The following HTR2C variants were observed in gnomAD, a reference collection of about 807,000 sequenced individuals.
The protein encoded by HTR2C is 5-hydroxytryptamine receptor 2C, also known as 5-hydroxytryptamine (serotonin) receptor 2C, G protein-coupled.
A neutral mutation model predicts 21.0 loss-of-function variants in HTR2C; 5 were observed. That is an observed-to-expected ratio of 0.24 (90% CI 0.12 to 0.50). The LOEUF is 0.50. Ranked by LOEUF, HTR2C falls within the 20% of genes least tolerant of loss-of-function variation. HTR2C has a pLI of 0.98. For synonymous variants in HTR2C, 150 were observed against 145.3 expected (o/e 1.03, Z -0.23); for missense variants, 271 against 371.2 (o/e 0.73, Z 2.22).
At chrX:114,765,043 T>G (rs2069933670) in intron 4 of HTR2C, among the ~76,000 whole-genome samples, 1 of 107,959 alleles carries the variant, frequency 9.3e-6, no homozygotes, top group Non-Finnish European at 1.9e-5. Context: ...TTCTTTCTTT[T>G]TTTTTCTTTC....
intron 2 of HTR2C, among the ~76,000 whole-genome samples, chrX:114,725,459 G>A (rs1933418951): frequency 1.8e-5 from 2 of 111,074 alleles, no homozygotes; most frequent in South Asian, 7.6e-4. Context: ...CCTTTGGTTT[G>A]AATTTCCTCC....
At chrX:114,805,711 TATATATACC>T (rs1556448718) in intron 4 of HTR2C, among the ~76,000 whole-genome samples, 71 of 77,491 alleles carry the variant, frequency 9.2e-4, no homozygotes, top group Non-Finnish European at 1.4e-3. Context: ...ATATATACCA[TATATATACC>T]ATATATACAC....
intron 2 of HTR2C, among the ~76,000 whole-genome samples, chrX:114,688,049 G>A (rs1931977075): frequency 9.0e-6 from 1 of 111,060 alleles, no homozygotes; most frequent in African/African-American, 3.3e-5. Context: ...GGCCGAGCAC[G>A]GTGGCTCATG....
intron 4 of HTR2C, among the ~76,000 whole-genome samples, chrX:114,834,035 T>C (rs2070755996): frequency 9.0e-6 from 1 of 111,064 alleles, no homozygotes; most frequent in African/African-American, 3.3e-5. Context: ...TAATCCTGAG[T>C]TCTAGTTTGA....
At chrX:114,628,739 G>T (rs1556403520) in intron 2 of HTR2C, among the ~76,000 whole-genome samples, 1 of 111,514 alleles carries the variant, frequency 9.0e-6, no homozygotes, top group Non-Finnish European at 1.9e-5. Flanking sequence ...GGTAGTGATA[G>T]AATAACAGCC....
At chrX:114,809,837 A>G (rs2070514810) in intron 4 of HTR2C, among the ~76,000 whole-genome samples, 1 of 111,512 alleles carries the variant, frequency 9.0e-6, no homozygotes, top group African/African-American at 3.3e-5. Flanking sequence ...TTCCTCAATC[A>G]GAAAGAGTCT....
At chrX:114,729,788 A>T (rs2069518053) in intron 3 of HTR2C, among the ~76,000 whole-genome samples, 1 of 111,482 alleles carries the variant, frequency 9.0e-6, no homozygotes, top group African/African-American at 3.3e-5. Context: ...TGACTGGGAT[A>T]ATGACATAAA....
At chrX:114,612,060 G>C (rs782351179) in intron 1 of HTR2C, among the ~76,000 whole-genome samples, 1 of 110,207 alleles carries the variant, frequency 9.1e-6, no homozygotes, top group Admixed American at 9.7e-5. Flanking sequence ...ACTTTCATAA[G>C]GAATGAAAAA....
chrX:114,714,947 T>C (rs1306968906), intron 2 of HTR2C, among the ~76,000 whole-genome samples: 9 of 112,250 alleles, frequency 8.0e-5, no homozygotes, highest in African/African-American at 2.9e-4. Context: ...TTATACATTA[T>C]ATAAATTATT....
chrX:114,835,676 T>C lies in HTR2C; in HGVS notation c.350-12327T>C, dbSNP rs186171709. On this transcript the variant is annotated intron_variant, in intron 4 of 5. Transcript: ENST00000276198. ...ATGTCCTCCCGTAGCTCAGAGTAATTTGATCGTCTGAAGCCTTCTTCTCTC... is the reference window on the plus strand; with the variant it reads ...ATGTCCTCCCGTAGCTCAGAGTAATCTGATCGTCTGAAGCCTTCTTCTCTC... 5.6e-4 allele frequency among the ~76,000 whole-genome samples: 63 copies of C among 112,014 alleles called. No individual in the cohort carries two copies. In the East Asian group the frequency reaches 0.012, roughly 22 times the overall value.
intron 2 of HTR2C, among the ~76,000 whole-genome samples, chrX:114,690,629 A>G (rs1324915305): frequency 7.2e-5 from 8 of 111,764 alleles, no homozygotes; most frequent in Admixed American, 6.7e-4. Context: ...TCTTTATACC[A>G]TAATGAGCAA....
At chrX:114,864,900 C>T (rs868915057) in intron 5 of HTR2C, among the ~76,000 whole-genome samples, 2 of 84,733 alleles carry the variant, frequency 2.4e-5, no homozygotes, top group African/African-American at 4.1e-5. Flanking sequence ...TTTTCTTTTT[C>T]TTTTTTTTTT....
chrX:114,790,357 T>G (rs1335152482), intron 4 of HTR2C, among the ~76,000 whole-genome samples: 1 of 112,029 alleles, frequency 8.9e-6, no homozygotes, highest in African/African-American at 3.2e-5. Flanking sequence ...TTATTGCATT[T>G]ATAATGAGTT....
intron 5 of HTR2C, among the ~76,000 whole-genome samples, chrX:114,905,982 CCA>C (rs1303223639): frequency 9.0e-6 from 1 of 111,139 alleles, no homozygotes; most frequent in Non-Finnish European, 1.9e-5. Context: ...TTGCTCATGC[CCA>C]GAGACTCAAA....
chrX:114,802,516 T>G (rs1199907852), intron 4 of HTR2C, among the ~76,000 whole-genome samples: 1 of 110,713 alleles, frequency 9.0e-6, no homozygotes, highest in Non-Finnish European at 1.9e-5. Flanking sequence ...TATGGTTCAG[T>G]ATTTCCAGAG....
chrX:114,752,848 T>C (rs188241260), intron 4 of HTR2C, among the ~76,000 whole-genome samples: 83 of 110,623 alleles, frequency 7.5e-4, no homozygotes, highest in African/African-American at 2.5e-3. Flanking sequence ...TATTTCTAAG[T>C]TCCATAGTAG....
intron 4 of HTR2C, among the ~76,000 whole-genome samples, chrX:114,741,709 G>A (rs1331660953): frequency 4.8e-5 from 5 of 104,042 alleles, no homozygotes; most frequent in Admixed American, 1.1e-4. Context: ...GAGTTCTGAT[G>A]ACAACAAAAA....
intron 2 of HTR2C, among the ~76,000 whole-genome samples, chrX:114,645,525 C>T (rs1930331166): frequency 9.1e-6 from 1 of 110,319 alleles, no homozygotes; most frequent in Non-Finnish European, 1.9e-5. Context: ...AGCAAACTGC[C>T]CCAGTTGAAA....
chrX:114,816,108 T>C (rs781811765), intron 4 of HTR2C, among the ~76,000 whole-genome samples: 1 of 111,198 alleles, frequency 9.0e-6, no homozygotes, highest in South Asian at 3.7e-4. Flanking sequence ...TACAATGATG[T>C]ACTGAAATTT....
Sources: gnomAD v4.1 joint callset for allele counts (sites outside exome capture counted in the v4.1 genomes callset) on GRCh38, gnomAD v4.1.1 for gene constraint, MANE v1.5 for transcripts, NCBI Gene and HGNC (gene_info 2026-07-23, HGNC 2026-07-21) for gene names.